The following CFAP58 variants were observed in gnomAD, a reference collection of about 807,000 sequenced individuals.
CFAP58 encodes the protein cilia and flagella associated protein 58.
A neutral mutation model predicts 119.5 loss-of-function variants in CFAP58; 88 were observed. The observed-to-expected ratio is 0.74, with a 90% CI of 0.62 to 0.88. CFAP58 has a LOEUF of 0.88. CFAP58 is among the 40% of genes least tolerant of loss of function. The pLI is 0.00. For missense variants in CFAP58, 990 were observed against 1,021.2 expected (o/e 0.97, Z 0.42); for synonymous variants, 365 against 366.3 (o/e 1.00, Z 0.04).
rs150734798 is a variant in CFAP58 at position 104,399,501 on chromosome 10, G to A, written c.1815+1G>A. 2.3e-4 allele frequency: 373 copies of A among 1,613,062 alleles called. No individual in the cohort carries two copies. The highest frequency in any genetic ancestry group is 1.4e-3 in the Admixed American group (84 of 59,860). On this transcript the variant is annotated splice_donor_variant, in intron 12 of 17. Transcript: ENST00000369704. LOFTEE classifies it high-confidence loss of function. ...GAGACAGAAGAAGGAATTAGACCAG[G>A]TAGAGCATCTCCTTGTCAGACTTGC...
upstream of CFAP58, among the ~76,000 whole-genome samples, chr10:104,350,668 C>A (rs1405761373): frequency 6.6e-6 from 1 of 152,188 alleles, no homozygotes; most frequent in East Asian, 1.9e-4. Context: ...TCCCATTGTG[C>A]TTTCTGTTAA....
In CFAP58 at chr10:104,414,803, G is replaced by A. The variant is rs2012521677; in HGVS notation, c.2256+8010G>A. On this transcript the variant is annotated intron_variant, in intron 15 of 17. Coordinates refer to ENST00000369704, the MANE Select transcript of CFAP58 (RefSeq NM_001008723.2). ...TCCTGCCTCAGCCTCCCGAGTAGCTGGGACTACAGGCGCCTGCCACCGCGC... is the reference window on the plus strand; with the variant it reads ...TCCTGCCTCAGCCTCCCGAGTAGCTAGGACTACAGGCGCCTGCCACCGCGC... Among the ~76,000 whole-genome samples the A allele has an allele frequency of 5.3e-5, 8 of 152,270 alleles. No homozygotes were observed. In the South Asian group the frequency reaches 1.7e-3, roughly 32 times the overall value.
chr10:104,447,754 TG>T lies in CFAP58; in HGVS notation c.2314del (p.Glu772ArgfsTer6). 6.2e-7 allele frequency: 1 copy of T among 1,614,156 alleles called. No individual in the cohort carries two copies. The highest frequency in any genetic ancestry group is 8.5e-7 in the Non-Finnish European group (1 of 1,179,998). ...KHVLARQPGPEAAEQLKLYRR... is the reference protein window; with the variant it reads ...KHVLARQPGPXAAEQLKLYRR... ...ACGTCTTGGCCCGCCAGCCTGGACC[TG>T]AGGCTGCGGAACAGCTGAAGCTGTA... On this transcript the variant is annotated frameshift_variant, in exon 16 of 18. Transcript: ENST00000369704. LOFTEE classifies it high-confidence loss of function.
chr10:104,356,183 A>C (rs936196472), intron 1 of CFAP58, among the ~76,000 whole-genome samples: 6 of 152,244 alleles, frequency 3.9e-5, no homozygotes, highest in Non-Finnish European at 7.3e-5. Flanking sequence ...GTTGTTATAC[A>C]AAATGCTATA....
chr10:104,418,325 G>A (rs2012586756), intron 15 of CFAP58, among the ~76,000 whole-genome samples: 1 of 152,170 alleles, frequency 6.6e-6, no homozygotes, highest in African/African-American at 2.4e-5. Context: ...GAGGCAGGTG[G>A]ATCACGAGGT....
At chr10:104,358,174 T>G (rs2014619532) in intron 1 of CFAP58, among the ~76,000 whole-genome samples, 167 bp from the exon 2 acceptor site, 1 of 151,774 alleles carries the variant, frequency 6.6e-6, no homozygotes, top group South Asian at 2.1e-4. Flanking sequence ...AGCATCAGGG[T>G]CTGAACAAGG....
chr10:104,433,418 T>C (rs1319234782), intron 15 of CFAP58, among the ~76,000 whole-genome samples: 1 of 152,204 alleles, frequency 6.6e-6, no homozygotes, highest in East Asian at 1.9e-4. Context: ...GAGAAGTTAC[T>C]TTGATCGTCA....
intron 4 of CFAP58, among the ~76,000 whole-genome samples, chr10:104,365,379 G>A (rs1341354347): frequency 6.6e-6 from 1 of 152,158 alleles, no homozygotes; most frequent in Non-Finnish European, 1.5e-5. Flanking sequence ...GCTTTTCATA[G>A]CATTTGGACA....
chr10:104,414,816 C>G (rs1383833479), intron 15 of CFAP58, among the ~76,000 whole-genome samples: 1 of 152,152 alleles, frequency 6.6e-6, no homozygotes, highest in South Asian at 2.1e-4. Context: ...ACTACAGGCG[C>G]CTGCCACCGC....
chr10:104,398,344 G>A (rs58761370), intron 11 of CFAP58, among the ~76,000 whole-genome samples: 1,979 of 152,352 alleles, frequency 0.013, 45 homozygotes, highest in African/African-American at 0.045. Context: ...AAAGATCTGG[G>A]TTGGAATCTC....
intron 15 of CFAP58, among the ~76,000 whole-genome samples, chr10:104,439,779 C>A (rs1361474549): frequency 6.6e-6 from 1 of 152,184 alleles, no homozygotes; most frequent in Non-Finnish European, 1.5e-5. Context: ...CCTACTTATT[C>A]TTCAACTCCA....
the CFAP58 span, among the ~76,000 whole-genome samples, chr10:104,343,655 C>G: frequency 6.6e-6 from 1 of 152,106 alleles, no homozygotes; most frequent in Non-Finnish European, 1.5e-5. Context: ...GTTATGTTCC[C>G]TTTTCTTTTT....
rs1208560470 is a variant in CFAP58 at position 104,358,412 on chromosome 10, C to G, written c.81C>G (p.Leu27=). 6.2e-7 allele frequency: 1 copy of G among 1,613,946 alleles called. No homozygotes were observed. The highest frequency in any genetic ancestry group is 1.6e-4 in the Middle Eastern group (1 of 6,062). The part of the protein sequence containing the change: ...EEMERDFQGV[L]HELSGDKSLE... ...TGGAAAGAGATTTTCAGGGAGTTCTCCATGAACTTTCTGGAGACAAAAGTT... is the reference window on the plus strand; with the variant it reads ...TGGAAAGAGATTTTCAGGGAGTTCTGCATGAACTTTCTGGAGACAAAAGTT... The change falls in exon 2 of 18, where the codon CTC becomes CTG. Residue 27 remains leucine, a synonymous_variant. Transcript: ENST00000369704.
chr10:104,372,118 C>G lies in CFAP58; in HGVS notation c.1090+1064C>G, dbSNP rs527556773. On this transcript the variant is annotated intron_variant, in intron 7 of 17. Transcript: ENST00000369704. ...CCGTAATCTCAGCACTTTGGGAGGC[C>G]AAGGCAGGCGGATCACCTGAGGTCA... 7.2e-5 allele frequency among the ~76,000 whole-genome samples: 11 copies of G among 152,184 alleles called. No homozygotes were observed. In the South Asian group the frequency reaches 2.3e-3, roughly 32 times the overall value.
upstream of CFAP58, among the ~76,000 whole-genome samples, chr10:104,352,565 G>T (rs2014473281): frequency 6.6e-6 from 1 of 152,246 alleles, no homozygotes; most frequent in South Asian, 2.1e-4. Context: ...GGCTGGATGT[G>T]TTTGTGCAGG....
At chr10:104,403,463 A>C (rs1057228585) in intron 13 of CFAP58, among the ~76,000 whole-genome samples, 29 of 150,786 alleles carry the variant, frequency 1.9e-4, no homozygotes, top group Non-Finnish European at 1.8e-4. Flanking sequence ...TATACTTATA[A>C]ATTTATTGAG....
intron 3 of CFAP58, 50 bp from the exon 4 acceptor site, chr10:104,364,682 AC>A (rs1161677740): frequency 3.9e-6 from 6 of 1,550,874 alleles, no homozygotes; most frequent in Non-Finnish European, 5.3e-6. Context: ...GATATGAAGG[AC>A]CCCTGAGCAG....
intron 15 of CFAP58, among the ~76,000 whole-genome samples, chr10:104,447,117 G>A (rs527256744): frequency 9.2e-4 from 139 of 151,462 alleles, no homozygotes; most frequent in Non-Finnish European, 1.7e-3. Flanking sequence ...AGCCTCCTAA[G>A]TAGCTGGGAC....
At chr10:104,395,813 A>G (rs2012137900) in intron 11 of CFAP58, among the ~76,000 whole-genome samples, 1 of 152,108 alleles carries the variant, frequency 6.6e-6, no homozygotes, top group Admixed American at 6.5e-5. Context: ...TCCCTCTTGG[A>G]GGGGCAAGCC....
Sources: allele counts gnomAD v4.1 joint callset (sites outside exome capture counted in the v4.1 genomes callset), GRCh38; gene constraint gnomAD v4.1.1; transcripts MANE v1.5; gene names NCBI Gene and HGNC (gene_info 2026-07-23, HGNC 2026-07-21).